RAD51B: variants seen among roughly 807,000 people sequenced by gnomAD.
RAD51B encodes RAD51 paralog B.
Under a neutral mutation model 42.2 loss-of-function variants are expected in RAD51B, and 38 were observed. That is an observed-to-expected ratio of 0.90 (90% CI 0.70 to 1.18). The LOEUF (loss-of-function observed/expected upper bound fraction) is 1.18. Ranked by LOEUF, RAD51B falls within the 50% of genes most tolerant of loss-of-function variation. The pLI is 0.00. For missense variants in RAD51B, 373 were observed against 400.7 expected (o/e 0.93, Z 0.59); for synonymous variants, 154 against 145.2 (o/e 1.06, Z -0.43).
intron 4 of RAD51B, among the ~76,000 whole-genome samples, chr14:67,848,367 G>A (rs1220788425): frequency 3.3e-5 from 5 of 152,054 alleles, no homozygotes; most frequent in East Asian, 1.9e-4. Context: ...TTTCTTAGTC[G>A]TTATGGTTTA....
intron 7 of RAD51B, among the ~76,000 whole-genome samples, chr14:67,959,091 T>C (rs1277449942): frequency 6.6e-6 from 1 of 152,198 alleles, no homozygotes; most frequent in Non-Finnish European, 1.5e-5. Context: ...CTACTTCTTG[T>C]ATTATTTGAT....
chr14:68,037,542 T>C (rs1001407097), intron 7 of RAD51B, among the ~76,000 whole-genome samples: 1 of 152,032 alleles, frequency 6.6e-6, no homozygotes, highest in Non-Finnish European at 1.5e-5. Flanking sequence ...TTTAAAGGGC[T>C]GCTTTTCATA....
chr14:68,381,603 G>C (rs1054154227), intron 8 of RAD51B, among the ~76,000 whole-genome samples: 1 of 152,156 alleles, frequency 6.6e-6, no homozygotes, highest in African/African-American at 2.4e-5. Context: ...GTGAACCCAG[G>C]AGGCAGAGCT....
At chr14:68,119,888 C>A (rs1474263086) in intron 7 of RAD51B, among the ~76,000 whole-genome samples, 1 of 146,122 alleles carries the variant, frequency 6.8e-6, no homozygotes, top group African/African-American at 2.5e-5. Flanking sequence ...CCTGAGGAAT[C>A]GCCACACTGA....
chr14:67,882,165 G>A (rs2042927442), intron 5 of RAD51B, among the ~76,000 whole-genome samples: 1 of 151,920 alleles, frequency 6.6e-6, no homozygotes, highest in Non-Finnish European at 1.5e-5. Context: ...TACAGATAAG[G>A]TTTTGGTATG....
chr14:68,324,942 T>G (rs1029629891), intron 8 of RAD51B, among the ~76,000 whole-genome samples: 1 of 152,252 alleles, frequency 6.6e-6, no homozygotes, highest in African/African-American at 2.4e-5. Context: ...GGGAAAACTC[T>G]GTTGTATATG....
At chr14:68,477,171 C>G (rs1454805937) in intron 10 of RAD51B, among the ~76,000 whole-genome samples, 1 of 152,204 alleles carries the variant, frequency 6.6e-6, no homozygotes, top group Non-Finnish European at 1.5e-5. Flanking sequence ...TATGCGAGGC[C>G]AAGTCTCCCC....
intron 7 of RAD51B, among the ~76,000 whole-genome samples, chr14:67,955,882 G>T (rs1274524847): frequency 2.0e-5 from 3 of 152,184 alleles, no homozygotes; most frequent in Admixed American, 2.0e-4. Flanking sequence ...AGATGGGATT[G>T]GGGTAGGAGT....
intron 11 of RAD51B, among the ~76,000 whole-genome samples, chr14:68,658,702 C>A (rs1005531032): frequency 1.3e-5 from 2 of 152,230 alleles, no homozygotes; most frequent in African/African-American, 2.4e-5. Context: ...CTGCCCCACA[C>A]CCCACCAGAT....
At chr14:68,541,973 C>T (rs1223154235) in intron 10 of RAD51B, 1 of 231,100 alleles carries the variant, frequency 4.3e-6, no homozygotes, top group Admixed American at 6.5e-5. Flanking sequence ...TGAATAGGTA[C>T]TCTCAATATA....
At chr14:68,612,905 T>G (rs1468980528), downstream of RAD51B, among the ~76,000 whole-genome samples, 4 of 152,004 alleles carry the variant, frequency 2.6e-5, no homozygotes, top group Non-Finnish European at 5.9e-5. Context: ...AAGTGGGAAC[T>G]CAGCCCTGGT....
chr14:68,560,148 T>A (rs1030379447), intron 10 of RAD51B, among the ~76,000 whole-genome samples: 1 of 152,180 alleles, frequency 6.6e-6, no homozygotes, highest in Non-Finnish European at 1.5e-5. Flanking sequence ...TTACAGGTAG[T>A]CACAAAAATA....
chr14:68,316,066 GT>G (rs1189941812), intron 8 of RAD51B, among the ~76,000 whole-genome samples: 1 of 152,166 alleles, frequency 6.6e-6, no homozygotes, highest in Non-Finnish European at 1.5e-5. Context: ...CATTGAGACA[GT>G]TTAGGTATTG....
chr14:68,456,082 A>G (rs1461949159), intron 9 of RAD51B, among the ~76,000 whole-genome samples: 3 of 152,260 alleles, frequency 2.0e-5, no homozygotes, highest in African/African-American at 7.2e-5. Context: ...ATAGTGGAAG[A>G]AACAACAAGA....
intron 7 of RAD51B, among the ~76,000 whole-genome samples, chr14:68,234,573 C>T (rs2080209355): frequency 6.6e-6 from 1 of 152,126 alleles, no homozygotes; most frequent in Admixed American, 6.6e-5. Flanking sequence ...TGTTATTGTA[C>T]TGAATACTAT....
chr14:67,888,719 A>C (rs1566943180), intron 7 of RAD51B, among the ~76,000 whole-genome samples: 1 of 152,166 alleles, frequency 6.6e-6, no homozygotes, highest in Non-Finnish European at 1.5e-5. Context: ...TGTACATTGT[A>C]TTGGGTATTA....
chr14:67,833,876 G>A (rs1273756610), intron 3 of RAD51B, among the ~76,000 whole-genome samples: 1 of 152,060 alleles, frequency 6.6e-6, no homozygotes, highest in Non-Finnish European at 1.5e-5. Flanking sequence ...ATTTTTCTTT[G>A]GAATGACTGT....
chr14:68,422,924 C>A (rs2084745167), intron 9 of RAD51B, among the ~76,000 whole-genome samples: 1 of 152,170 alleles, frequency 6.6e-6, no homozygotes, highest in African/African-American at 2.4e-5. Context: ...TGGCTCCTGG[C>A]AACTGTCTTA....
At chr14:68,457,995 A>G (rs1423590311) in intron 9 of RAD51B, among the ~76,000 whole-genome samples, 1 of 151,442 alleles carries the variant, frequency 6.6e-6, no homozygotes, top group Non-Finnish European at 1.5e-5. Flanking sequence ...AAATTGTGTT[A>G]ATAAATATTA....
Sources: allele counts gnomAD v4.1 joint callset (sites outside exome capture counted in the v4.1 genomes callset), GRCh38; gene constraint gnomAD v4.1.1; transcripts MANE v1.5; gene names NCBI Gene and HGNC (gene_info 2026-07-23, HGNC 2026-07-21).